Variants in PPM1L observed in about 807,000 individuals in gnomAD.
PPM1L encodes the protein protein phosphatase 1L.
Under a neutral mutation model 31.4 loss-of-function variants are expected in PPM1L, and 13 were observed. The ratio of observed to expected loss-of-function variants is 0.41; its 90% CI spans 0.27 to 0.66. PPM1L has a LOEUF of 0.66. Ranked by LOEUF, PPM1L falls within the 30% of genes least tolerant of loss-of-function variation. PPM1L has a pLI of 0.29. For missense variants in PPM1L, 326 were observed against 453.7 expected (o/e 0.72, Z 2.56); for synonymous variants, 184 against 175.4 (o/e 1.05, Z -0.39).
chr3:161,046,019 G>A (rs1332854211), intron 2 of PPM1L, among the ~76,000 whole-genome samples: 2 of 146,330 alleles, frequency 1.4e-5, no homozygotes, highest in African/African-American at 5.1e-5. Context: ...GCTGAGGCAG[G>A]AGAATGCTAT....
At chr3:160,795,478 G>A (rs1191409607) in intron 1 of PPM1L, among the ~76,000 whole-genome samples, 1 of 152,132 alleles carries the variant, frequency 6.6e-6, no homozygotes, top group African/African-American at 2.4e-5. Context: ...TTGCCCCTGG[G>A]TGAGAACCGC....
chr3:160,790,051 GA>G (rs1232379640), intron 1 of PPM1L, among the ~76,000 whole-genome samples: 1 of 151,926 alleles, frequency 6.6e-6, no homozygotes, highest in Non-Finnish European at 1.5e-5. Flanking sequence ...AGTGAATAAT[GA>G]CAAGAAAAAC....
intron 2 of PPM1L, among the ~76,000 whole-genome samples, chr3:160,966,126 C>T (rs1716135538): frequency 1.3e-5 from 2 of 151,974 alleles, no homozygotes; most frequent in African/African-American, 2.4e-5. Flanking sequence ...GCAACCCTAC[C>T]GTGTCACAGA....
At chr3:160,919,597 T>A (rs1560151411) in intron 1 of PPM1L, among the ~76,000 whole-genome samples, 1 of 152,136 alleles carries the variant, frequency 6.6e-6, no homozygotes, top group Non-Finnish European at 1.5e-5. Context: ...AACGCGTAGC[T>A]TTTTTGTTAG....
At chr3:160,964,814 T>C (rs915902401) in intron 2 of PPM1L, among the ~76,000 whole-genome samples, 1 of 152,050 alleles carries the variant, frequency 6.6e-6, no homozygotes, top group African/African-American at 2.4e-5. Context: ...TGAGTGTTGC[T>C]GTGTGTTGCA....
At chr3:160,761,101 G>A (rs942583256) in intron 1 of PPM1L, among the ~76,000 whole-genome samples, 2 of 152,158 alleles carry the variant, frequency 1.3e-5, no homozygotes, top group Non-Finnish European at 2.9e-5. Flanking sequence ...TGCTCTTTGA[G>A]AATGTTATGA....
intron 2 of PPM1L, among the ~76,000 whole-genome samples, chr3:161,006,786 CA>C (rs1165020204): frequency 6.6e-6 from 1 of 151,488 alleles, no homozygotes; most frequent in African/African-American, 2.4e-5. Flanking sequence ...GCGTTCACGC[CA>C]TTCTCCTGCC....
chr3:160,832,364 A>T (rs1021985733), intron 1 of PPM1L, among the ~76,000 whole-genome samples: 9 of 152,092 alleles, frequency 5.9e-5, no homozygotes. Context: ...AGGGGATTCT[A>T]GGTGGAGGTG....
chr3:160,776,970 AT>A (rs1257440927), intron 1 of PPM1L, among the ~76,000 whole-genome samples: 5 of 151,976 alleles, frequency 3.3e-5, no homozygotes, highest in Non-Finnish European at 1.5e-5. Context: ...ATCAGAGAAG[AT>A]TAATACTATG....
chr3:160,824,626 C>T (rs921210915), intron 1 of PPM1L, among the ~76,000 whole-genome samples: 8 of 152,098 alleles, frequency 5.3e-5, no homozygotes, highest in Non-Finnish European at 8.8e-5. Context: ...TGAGAGAATA[C>T]GGATGGATCA....
chr3:160,819,685 C>T (rs1295068377), intron 1 of PPM1L, among the ~76,000 whole-genome samples: 1 of 151,934 alleles, frequency 6.6e-6, no homozygotes, highest in Non-Finnish European at 1.5e-5. Flanking sequence ...TAAGTTTTCA[C>T]TGTGTAACAT....
chr3:160,827,447 T>TGTG (rs1713387660), intron 1 of PPM1L, among the ~76,000 whole-genome samples: 1 of 141,360 alleles, frequency 7.1e-6, no homozygotes, highest in African/African-American at 2.7e-5. Context: ...TGATATAAGT[T>TGTG]TGTGTGTGTG....
Position 161,068,983 on chromosome 3 carries a change from T to C in PPM1L, c.909T>C (p.Gly303=). The stretch of plus-strand genomic sequence containing the variant: ...AGTTCATGATCTTGGCATCAGATGG[T>C]CTCTGGGATGCTTTCAGCAATGAAG... ...QPEFMILASD[G]LWDAFSNEEA... The change falls in exon 4 of 4, where the codon GGT becomes GGC. Residue 303 remains glycine, a synonymous_variant. Transcript: ENST00000498165. 2 of 1,614,172 alleles carry C rather than the reference T, an allele frequency of 1.2e-6. No homozygotes were observed. Among genetic ancestry groups the C allele is most frequent in the Non-Finnish European group, 1.7e-6 (2 of 1,180,030 alleles).
chr3:160,770,487 G>A (rs1715221293), intron 1 of PPM1L, among the ~76,000 whole-genome samples: 1 of 152,160 alleles, frequency 6.6e-6, no homozygotes. Flanking sequence ...TAGTAATATA[G>A]AGAATTGATA....
intron 1 of PPM1L, among the ~76,000 whole-genome samples, chr3:160,920,623 ACACACACACACACACT>A (rs1187249139): frequency 2.1e-4 from 21 of 101,396 alleles, no homozygotes; most frequent in South Asian, 7.1e-4. Context: ...TCTCACACAC[ACACACACACACACACT>A]CACACACACA....
rs568805660 is a variant in PPM1L, at chr3:160,935,911, C to G, written c.400-25825C>G. On this transcript the variant is annotated intron_variant, in intron 1 of 3. Coordinates refer to ENST00000498165, the MANE Select transcript of PPM1L (RefSeq NM_139245.4). ...TCCCAGCTGCTGTGTCCTCAGCCAC[C>G]ATTGGTCTCTCAGGCCTGCATCTGA... is the stretch of plus-strand genomic sequence containing the variant. Among the ~76,000 whole-genome samples the G allele has an allele frequency of 3.4e-4, 52 of 152,282 alleles. No homozygotes were observed. In the South Asian group the frequency reaches 0.011, roughly 31 times the overall value.
At chr3:160,970,168 A>G (rs1217261257) in intron 2 of PPM1L, among the ~76,000 whole-genome samples, 1 of 152,178 alleles carries the variant, frequency 6.6e-6, no homozygotes, top group East Asian at 1.9e-4. Context: ...CCTGTCTTGT[A>G]TCCATGTTTC....
At chr3:161,021,510 T>C (rs1401517948) in intron 2 of PPM1L, among the ~76,000 whole-genome samples, 3 of 152,082 alleles carry the variant, frequency 2.0e-5, no homozygotes, top group Admixed American at 1.3e-4. Context: ...GGGTGGAGTG[T>C]TCTATACATG....
intron 1 of PPM1L, among the ~76,000 whole-genome samples, chr3:160,894,552 G>C (rs536168864): frequency 1.0e-3 from 159 of 152,224 alleles, no homozygotes; most frequent in Non-Finnish European, 1.5e-3. Flanking sequence ...TTACCTATTT[G>C]AGTTGTTTGT....
Sources: gnomAD v4.1 joint callset for allele counts (sites outside exome capture counted in the v4.1 genomes callset) on GRCh38, gnomAD v4.1.1 for gene constraint, MANE v1.5 for transcripts, NCBI Gene and HGNC (gene_info 2026-07-23, HGNC 2026-07-21) for gene names.